CHN1: variants seen among roughly 807,000 people sequenced by gnomAD.
CHN1 encodes N-chimaerin.
A neutral mutation model predicts 59.5 loss-of-function variants in CHN1; 37 were observed. The observed-to-expected ratio is 0.62, with a 90% CI of 0.48 to 0.82. CHN1 has a LOEUF of 0.82. Ranked by LOEUF, CHN1 falls within the 40% of genes least tolerant of loss-of-function variation. The probability of loss-of-function intolerance (pLI) is 0.00; values close to 1 mark genes in which losing one functional copy is unlikely to be tolerated. For missense variants in CHN1, 469 were observed against 571.0 expected, an observed-to-expected ratio of 0.82 and a Z score of 1.82; for synonymous variants, 206 against 200.4, an observed-to-expected ratio of 1.03 and a Z score of -0.24.
chr2:174,856,051 CT>C (rs1686891214), intron 6 of CHN1, among the ~76,000 whole-genome samples: 1 of 152,006 alleles, frequency 6.6e-6, no homozygotes, highest in Non-Finnish European at 1.5e-5. Flanking sequence ...ATCACTAGGC[CT>C]TTTACTACTG....
At chr2:174,869,505 GTCT>G (rs71405955) in intron 6 of CHN1, among the ~76,000 whole-genome samples, 73,275 of 151,554 alleles carry the variant, frequency 0.48, 18,459 homozygotes, top group African/African-American at 0.62. Context: ...AAATCCTGGG[GTCT>G]GGGTGGGGGT....
intron 7 of CHN1, 90 bp from the exon 8 acceptor site, chr2:174,824,608 C>T: frequency 1.6e-6 from 1 of 630,932 alleles, no homozygotes; most frequent in Non-Finnish European, 2.7e-6. Context: ...ATACAAGCCA[C>T]ATATTCTATA....
At chr2:174,818,808 C>A (rs1685371963) in intron 8 of CHN1, among the ~76,000 whole-genome samples, 1 of 152,074 alleles carries the variant, frequency 6.6e-6, no homozygotes, top group African/African-American at 2.4e-5. Flanking sequence ...TTCAGACTTT[C>A]TGGGGCTTGA....
rs530476115 is a variant in CHN1 at position 174,921,908 on chromosome 2, T to C, written c.115-3343A>G. On this transcript the variant is annotated intron_variant, in intron 3 of 12. Transcript: ENST00000409900. ...GGGAACCACAATTCAAGATAAGATTTGGGTGAGGACACAGCCAAACCATAT... is the reference window on the plus strand; with the variant it reads ...GGGAACCACAATTCAAGATAAGATTCGGGTGAGGACACAGCCAAACCATAT... Among the ~76,000 whole-genome samples, 26 of 152,300 alleles carry C rather than the reference T, an allele frequency of 1.7e-4. No homozygotes were observed. In the South Asian group the frequency reaches 5.4e-3, roughly 32 times the overall value.
At chr2:174,801,110 C>A (rs567560465) in intron 12 of CHN1, among the ~76,000 whole-genome samples, 3 of 152,162 alleles carry the variant, frequency 2.0e-5, no homozygotes, top group African/African-American at 7.2e-5. Context: ...TGATAGAGAT[C>A]GAGGGTGACC....
At chr2:174,931,822 G>A (rs1013777737) in intron 3 of CHN1, among the ~76,000 whole-genome samples, 1 of 152,202 alleles carries the variant, frequency 6.6e-6, no homozygotes, top group Non-Finnish European at 1.5e-5. Flanking sequence ...GTGTATCAGA[G>A]AGAACATTCC....
At chr2:174,988,581 C>T (rs966105789) in intron 1 of CHN1, among the ~76,000 whole-genome samples, 2 of 152,038 alleles carry the variant, frequency 1.3e-5, no homozygotes, top group Admixed American at 6.6e-5. Context: ...TGCCTTGAGA[C>T]AATATGACAG....
intron 10 of CHN1, 84 bp from the exon 11 acceptor site, chr2:174,809,126 A>G: frequency 8.4e-7 from 1 of 1,190,474 alleles, no homozygotes; most frequent in Non-Finnish European, 1.2e-6. Flanking sequence ...TATACAAATC[A>G]GATTTTAAAG....
chr2:174,915,709 G>A (rs1488960155), intron 4 of CHN1, among the ~76,000 whole-genome samples: 1 of 151,996 alleles, frequency 6.6e-6, no homozygotes, highest in Non-Finnish European at 1.5e-5. Context: ...TATAATACTT[G>A]TTTTCATTCC....
intron 6 of CHN1, among the ~76,000 whole-genome samples, chr2:174,868,795 T>G (rs1435925864): frequency 6.6e-6 from 1 of 152,208 alleles, no homozygotes; most frequent in Non-Finnish European, 1.5e-5. Flanking sequence ...CTACATAGTT[T>G]CAAGGAGCAT....
In CHN1 at chr2:174,995,441, A is replaced by C. The variant is rs529689097; in HGVS notation, c.19+9453T>G. 2.4e-3 allele frequency among the ~76,000 whole-genome samples: 367 copies of C among 152,254 alleles called. 1 individual carries two copies. The highest frequency in any genetic ancestry group is 8.4e-3 in the African/African-American group (349 of 41,536). ...CCAGTGACCGGTTCTGGTTTCATGG[A>C]AGACAATTTTTCCATGGACGGTGGG... On this transcript the variant is annotated intron_variant, in intron 1 of 12. Coordinates refer to ENST00000409900, the MANE Select transcript of CHN1 (RefSeq NM_001822.7).
At chr2:174,964,137 GAC>G (rs1690520229) in intron 1 of CHN1, among the ~76,000 whole-genome samples, 1 of 152,134 alleles carries the variant, frequency 6.6e-6, no homozygotes, top group Non-Finnish European at 1.5e-5. Flanking sequence ...GAACTAGAAA[GAC>G]ACACACTAGA....
At chr2:174,815,795 T>TA (rs1304268215) in intron 8 of CHN1, among the ~76,000 whole-genome samples, 1 of 152,236 alleles carries the variant, frequency 6.6e-6, no homozygotes, top group Non-Finnish European at 1.5e-5. Flanking sequence ...GTATCTTTGA[T>TA]ATTTGAGTAT....
At chr2:174,911,231 T>A (rs1688693283) in intron 5 of CHN1, among the ~76,000 whole-genome samples, 1 of 152,204 alleles carries the variant, frequency 6.6e-6, no homozygotes, top group African/African-American at 2.4e-5. Context: ...TTTAAATAAT[T>A]AGTTCTAAAA....
intron 5 of CHN1, among the ~76,000 whole-genome samples, chr2:174,891,935 C>A (rs1688065330): frequency 6.6e-6 from 1 of 151,852 alleles, no homozygotes; most frequent in African/African-American, 2.4e-5. Flanking sequence ...ACAACTGATG[C>A]CACAAAAATA....
At chr2:174,811,035 C>T (rs1342975657) in intron 10 of CHN1, 1 of 152,510 alleles carries the variant, frequency 6.6e-6, no homozygotes, top group African/African-American at 2.4e-5. Flanking sequence ...CCACAGAAGG[C>T]CCCTAAAGCT....
chr2:174,997,627 C>T (rs957196043), intron 1 of CHN1, among the ~76,000 whole-genome samples: 3 of 152,184 alleles, frequency 2.0e-5, no homozygotes, highest in South Asian at 4.1e-4. Context: ...CCACACCACT[C>T]ACCTGCTGCC....
chr2:174,837,730 A>C (rs1282934178), intron 7 of CHN1, among the ~76,000 whole-genome samples: 1 of 152,206 alleles, frequency 6.6e-6, no homozygotes, highest in Non-Finnish European at 1.5e-5. Flanking sequence ...GTTGCTTGTC[A>C]AAAAAATAAT....
intron 8 of CHN1, among the ~76,000 whole-genome samples, chr2:174,823,031 T>C (rs992773268): frequency 1.3e-5 from 2 of 152,178 alleles, no homozygotes; most frequent in African/African-American, 4.8e-5. Context: ...TTGGAACATT[T>C]CCATGCAATA....
Sources: allele counts gnomAD v4.1 joint callset (sites outside exome capture counted in the v4.1 genomes callset), GRCh38; gene constraint gnomAD v4.1.1; transcripts MANE v1.5; gene names NCBI Gene and HGNC (gene_info 2026-07-23, HGNC 2026-07-21).